The following ZNF536 variants were observed in gnomAD, a reference collection of about 807,000 sequenced individuals.
The protein encoded by ZNF536 is zinc finger protein 536.
Under a neutral mutation model 84.5 loss-of-function variants are expected in ZNF536, and 13 were observed. That is an observed-to-expected ratio of 0.15 (90% CI 0.10 to 0.24). ZNF536 has a LOEUF of 0.24. ZNF536 is among the 10% of genes least tolerant of loss of function. ZNF536 has a pLI of 1.00. For missense variants in ZNF536, 1,536 were observed against 1,747.5 expected (o/e 0.88, Z 2.16); for synonymous variants, 811 against 742.5 (o/e 1.09, Z -1.50).
chr19:30,444,729 G>A lies in ZNF536; in HGVS notation c.1167G>A (p.Lys389=). 1 of 1,614,002 alleles carries A rather than the reference G, an allele frequency of 6.2e-7. No individual in the cohort carries two copies. Residue 389 remains lysine, a synonymous_variant, in exon 2 of 5, where the codon AAG becomes AAA. Coordinates refer to ENST00000355537, the MANE Select transcript of ZNF536 (RefSeq NM_014717.3). ...GCTTCAAGGAGCCCTGGTTCCTCAA[G>A]AACCACATGAAGGTCCACCTCAACA... The part of the protein sequence containing the change: ...GRRFKEPWFL[K]NHMKVHLNKL...
intron 1 of ZNF536, among the ~76,000 whole-genome samples, chr19:30,590,099 C>T (rs1014674375): frequency 1.3e-5 from 2 of 152,206 alleles, no homozygotes; most frequent in Middle Eastern, 3.2e-3. Flanking sequence ...CCTGTGCCTC[C>T]TTCTCTCCAG....
At chr19:30,342,176 A>G (rs1690155153) in intron 2 of ZNF536, among the ~76,000 whole-genome samples, 2 of 152,132 alleles carry the variant, frequency 1.3e-5, no homozygotes, top group Admixed American at 6.5e-5. Context: ...ATCATTTTAG[A>G]TGTATAAGTC....
intron 1 of ZNF536, among the ~76,000 whole-genome samples, chr19:30,606,155 A>AAAAAT (rs1414876595): frequency 1.6e-5 from 2 of 125,356 alleles, no homozygotes; most frequent in African/African-American, 2.8e-5. Context: ...CCTCATCTCT[A>AAAAAT]AAAATAAAAT....
At chr19:30,573,471 A>G (rs925299023) in intron 1 of ZNF536, among the ~76,000 whole-genome samples, 7 of 152,202 alleles carry the variant, frequency 4.6e-5, no homozygotes, top group Non-Finnish European at 8.8e-5. Context: ...GGGAGGCATC[A>G]TAACTCATTC....
At chr19:30,400,088 A>G (rs946906998) in intron 1 of ZNF536, among the ~76,000 whole-genome samples, 3 of 151,764 alleles carry the variant, frequency 2.0e-5, no homozygotes, top group African/African-American at 7.3e-5. Flanking sequence ...GTAGCACCTC[A>G]TGGCATAGAT....
intron 1 of ZNF536, among the ~76,000 whole-genome samples, chr19:30,701,914 T>C (rs1005598764): frequency 2.0e-5 from 3 of 152,152 alleles, no homozygotes; most frequent in Admixed American, 2.0e-4. Flanking sequence ...GATGAGTGGG[T>C]GCCAGAACAT....
intron 1 of ZNF536, among the ~76,000 whole-genome samples, chr19:30,606,230 A>AAAATAAAAT (rs1568596861): frequency 1.9e-4 from 14 of 74,690 alleles, no homozygotes; most frequent in African/African-American, 9.2e-4. Flanking sequence ...AAAATAAAAT[A>AAAATAAAAT]ATAAAATAAA....
chr19:30,471,002 TTAG>T (rs1228912719), intron 2 of ZNF536, among the ~76,000 whole-genome samples: 1 of 148,168 alleles, frequency 6.7e-6, no homozygotes, highest in African/African-American at 2.5e-5. Context: ...TTTTTTTTTT[TTAG>T]AGATTGGGTC....
At chr19:30,603,211 C>T (rs1375158661) in intron 1 of ZNF536, among the ~76,000 whole-genome samples, 1 of 152,192 alleles carries the variant, frequency 6.6e-6, no homozygotes, top group African/African-American at 2.4e-5. Context: ...TGGTCATCCC[C>T]GAATCCCCCA....
At chr19:30,566,912 A>G (rs901425496) in intron 1 of ZNF536, among the ~76,000 whole-genome samples, 1 of 115,098 alleles carries the variant, frequency 8.7e-6, no homozygotes, top group East Asian at 2.9e-4. Context: ...GGGTCCCCGC[A>G]TGTGGCCTCT....
chr19:30,500,411 G>A (rs955082958), intron 2 of ZNF536, among the ~76,000 whole-genome samples: 1 of 152,102 alleles, frequency 6.6e-6, no homozygotes, highest in East Asian at 1.9e-4. Flanking sequence ...ATCTCAGCAG[G>A]ATGCAGTGGG....
intron 4 of ZNF536, among the ~76,000 whole-genome samples, chr19:30,553,151 G>GT (rs1483737534): frequency 6.6e-6 from 1 of 152,216 alleles, no homozygotes; most frequent in Non-Finnish European, 1.5e-5. Flanking sequence ...TTTGACCTTG[G>GT]TTTTGTAATG....
chr19:30,285,097 G>T (rs1272591858), intron 2 of ZNF536, among the ~76,000 whole-genome samples: 1 of 152,098 alleles, frequency 6.6e-6, no homozygotes, highest in Non-Finnish European at 1.5e-5. Flanking sequence ...CAGTGCCGTT[G>T]GCACAGTAAT....
At chr19:30,608,922 ATG>A (rs2047993198) in intron 1 of ZNF536, among the ~76,000 whole-genome samples, 1 of 152,086 alleles carries the variant, frequency 6.6e-6, no homozygotes, top group South Asian at 2.1e-4. Context: ...CCCTTGGGAG[ATG>A]TGTTGACTCT....
intron 1 of ZNF536, among the ~76,000 whole-genome samples, chr19:30,607,202 C>T (rs11084557): frequency 0.6 from 90,612 of 151,996 alleles, 27,258 homozygotes; most frequent in East Asian, 0.72. Flanking sequence ...ACTTTCTACA[C>T]CTTGTTTATG....
intron 1 of ZNF536, among the ~76,000 whole-genome samples, chr19:30,253,773 G>C (rs1208847704): frequency 6.6e-6 from 1 of 152,082 alleles, no homozygotes; most frequent in Non-Finnish European, 1.5e-5. Context: ...TCACGGCTGC[G>C]CTTTGAGATG....
intron 2 of ZNF536, among the ~76,000 whole-genome samples, chr19:30,343,601 C>T (rs1050352727): frequency 8.5e-5 from 13 of 152,112 alleles, no homozygotes; most frequent in South Asian, 6.2e-4. Context: ...ATGACATCCA[C>T]GCAGTGAAAT....
chr19:30,359,224 G>T (rs2048192661), intron 3 of ZNF536, among the ~76,000 whole-genome samples: 1 of 152,240 alleles, frequency 6.6e-6, no homozygotes, highest in Non-Finnish European at 1.5e-5. Context: ...TGGACTGGCT[G>T]GAGCTGGGGC....
At chr19:30,334,905 G>A (rs928257107) in intron 2 of ZNF536, among the ~76,000 whole-genome samples, 1 of 152,210 alleles carries the variant, frequency 6.6e-6, no homozygotes, top group Admixed American at 6.5e-5. Context: ...TCACAAGGGG[G>A]TCTGGGCTCC....
Sources: gnomAD v4.1 joint callset for allele counts (sites outside exome capture counted in the v4.1 genomes callset) on GRCh38, gnomAD v4.1.1 for gene constraint, MANE v1.5 for transcripts, NCBI Gene and HGNC (gene_info 2026-07-23, HGNC 2026-07-21) for gene names.